CHRNA5: variants seen among roughly 807,000 people sequenced by gnomAD.
CHRNA5 encodes the protein neuronal acetylcholine receptor subunit alpha-5.
Under a neutral mutation model 41.2 loss-of-function variants are expected in CHRNA5, and 28 were observed. The observed-to-expected ratio is 0.68, with a 90% CI of 0.50 to 0.93. The LOEUF (loss-of-function observed/expected upper bound fraction) is 0.93. Among genes scored for constraint, CHRNA5 ranks in the 40% least tolerant of loss-of-function variants. The probability of loss-of-function intolerance (pLI) is 0.00; values close to 1 mark genes in which losing one functional copy is unlikely to be tolerated. For synonymous variants in CHRNA5, 188 were observed against 205.8 expected (o/e 0.91, Z 0.74); for missense variants, 481 against 581.9 (o/e 0.83, Z 1.78).
rs886174601 is a variant in CHRNA5 at position 78,588,921 on chromosome 15, GGGTACCA to G, written c.413+500_413+506del. 1.3e-5 allele frequency among the ~76,000 whole-genome samples: 2 copies of G among 150,478 alleles called. No individual in the cohort carries two copies. Among genetic ancestry groups the G allele is most frequent in the African/African-American group, 4.9e-5 (2 of 40,834 alleles). On this transcript the variant is annotated intron_variant, in intron 4 of 5. Transcript: ENST00000299565. The surrounding 1 kb of genome is among the most constrained non-coding windows in gnomAD (Gnocchi z 4.1). ...TTAACTTAGGGGAGAGGAAAATTCT[GGGTACCA>G]GTTTTATTTTTTTCTAAGACCACTC...
chr15:78,589,971 G>C, exon 5 of CHRNA5: 1 of 1,614,118 alleles, frequency 6.2e-7, no homozygotes, highest in Non-Finnish European at 8.5e-7. Context: ...TTGGACTTAT[G>C]ATGGATCACA....
chr15:78,582,399 G>A (rs150494292), intron 2 of CHRNA5, among the ~76,000 whole-genome samples: 2,400 of 151,638 alleles, frequency 0.016, 54 homozygotes, highest in African/African-American at 0.055. Context: ...CAGGAGAATC[G>A]TTTGAACCCT....
intron 2 of CHRNA5, among the ~76,000 whole-genome samples, chr15:78,585,022 C>T (rs776461820): frequency 1.2e-4 from 18 of 152,154 alleles, no homozygotes; most frequent in Non-Finnish European, 2.4e-4. Flanking sequence ...CAGATTCAAG[C>T]GGTTCTCCCA....
At chr15:78,571,360 C>T (rs11636592) in intron 1 of CHRNA5, among the ~76,000 whole-genome samples, 1 of 152,176 alleles carries the variant, frequency 6.6e-6, no homozygotes, top group Non-Finnish European at 1.5e-5. Flanking sequence ...TATTTTCTTC[C>T]AGTCCTTAGT....
chr15:78,577,941 A>AAAAG (rs1325854908), intron 1 of CHRNA5, among the ~76,000 whole-genome samples: 1 of 146,382 alleles, frequency 6.8e-6, no homozygotes, highest in African/African-American at 2.5e-5. Flanking sequence ...AAAAAAAAAA[A>AAAAG]GACATTTTAT....
chr15:78,585,505 C>T (rs2141416050), intron 2 of CHRNA5, among the ~76,000 whole-genome samples: 1 of 152,164 alleles, frequency 6.6e-6, no homozygotes, highest in East Asian at 1.9e-4. Flanking sequence ...CTGTGCATAG[C>T]ATTGTGTCCT....
At chr15:78,581,646 A>G (rs1596060683) in intron 2 of CHRNA5, among the ~76,000 whole-genome samples, 1 of 152,184 alleles carries the variant, frequency 6.6e-6, no homozygotes, top group Non-Finnish European at 1.5e-5. Context: ...CTGATTACAG[A>G]AGCAATGCGT....
intron 1 of CHRNA5, among the ~76,000 whole-genome samples, chr15:78,567,158 C>T (rs1392308780): frequency 6.6e-6 from 1 of 151,060 alleles, no homozygotes; most frequent in South Asian, 2.1e-4. Flanking sequence ...GAGGCTGAGG[C>T]AGGAGAATGA....
In CHRNA5 at chr15:78,583,150, C is replaced by T. The variant is rs8026141; in HGVS notation, c.258+2188C>T. 4.1e-3 allele frequency among the ~76,000 whole-genome samples: 630 copies of T among 152,210 alleles called. 2 individuals carry two copies. The highest frequency in any genetic ancestry group is 0.014 in the African/African-American group (581 of 41,512). Reference sequence around the variant, plus strand: ...CTTGTATCTGTCCCAGAACCTAGCACGGTATCTGGTACATAGTAAATGCTG... The same window carrying T: ...CTTGTATCTGTCCCAGAACCTAGCATGGTATCTGGTACATAGTAAATGCTG... On this transcript the variant is annotated intron_variant, in intron 2 of 5. Transcript: ENST00000299565.
At chr15:78,569,063 CA>C (rs2052775562) in intron 1 of CHRNA5, among the ~76,000 whole-genome samples, 1 of 152,164 alleles carries the variant, frequency 6.6e-6, no homozygotes, top group African/African-American at 2.4e-5. Flanking sequence ...ACTTTATACA[CA>C]ATTTAATTTG....
At chr15:78,565,815 C>T in exon 1 of CHRNA5, 2 of 1,221,034 alleles carry the variant, frequency 1.6e-6, no homozygotes, top group East Asian at 3.2e-5. Context: ...CGGCGGGCGG[C>T]GCGCAGAGAG....
chr15:78,574,299 G>A (rs988099506), intron 1 of CHRNA5, among the ~76,000 whole-genome samples: 11 of 149,824 alleles, frequency 7.3e-5, no homozygotes. Context: ...AGAATTGCTT[G>A]AACCTGGGAG....
chr15:78,594,963 T>C (rs560767564), exon 6 of CHRNA5: 1 of 152,316 alleles, frequency 6.6e-6, no homozygotes, highest in East Asian at 1.9e-4. Flanking sequence ...TGTGACCAGG[T>C]AGCAAACACT....
chr15:78,593,661 A>G (rs1029035252), exon 6 of CHRNA5: 2 of 154,182 alleles, frequency 1.3e-5, no homozygotes, highest in African/African-American at 4.8e-5. Context: ...ACTGAGTAAC[A>G]GCTAATCTTT....
chr15:78,580,891 C>T (rs183719313), exon 2 of CHRNA5: 8 of 1,613,558 alleles, frequency 5.0e-6, no homozygotes, highest in African/African-American at 1.3e-5. Flanking sequence ...AAGATGGGTT[C>T]GTCCTGTGGA....
intron 1 of CHRNA5, among the ~76,000 whole-genome samples, chr15:78,570,422 C>CTTTTTTTTTTTT (rs1567050748): frequency 3.0e-5 from 2 of 66,284 alleles, no homozygotes; most frequent in African/African-American, 9.3e-5. Flanking sequence ...CCAATCCCGG[C>CTTTTTTTTTTTT]TATTTTTTTT....
Position 78,588,091 on chromosome 15 carries a change from TA to T in CHRNA5, c.304-222del, listed in dbSNP as rs1351747534. 6.6e-6 allele frequency among the ~76,000 whole-genome samples: 1 copy of T among 152,162 alleles called. No homozygotes were observed. The highest frequency in any genetic ancestry group is 2.1e-4 in the South Asian group (1 of 4,826). ...TGCCGAGCAGAGCCATGAACACATC[TA>T]GCTCTGGTTCTCACCTGTGTCTCAC... is the stretch of plus-strand genomic sequence containing the variant. On this transcript the variant is annotated intron_variant, in intron 3 of 5. Coordinates refer to ENST00000299565, the Ensembl canonical transcript of CHRNA5. The surrounding 1 kb of genome is among the most constrained non-coding windows in gnomAD (Gnocchi z 4.1).
In CHRNA5 at chr15:78,580,978, CT is replaced by C. The variant is rs2052909222; in HGVS notation, c.258+18del. ...GGTGGATGTGGTAGGTGTGCATATC[CT>C]TCTATAGTCAATTTCCCACAGATTT... On this transcript the variant is annotated intron_variant, in intron 2 of 5. Transcript: ENST00000299565. 2 of 1,606,070 alleles carry C rather than the reference CT, an allele frequency of 1.2e-6. 1 individual carries two copies. The highest frequency in any genetic ancestry group is 2.7e-5 in the African/African-American group (2 of 74,216).
At chr15:78,593,552 G>A (rs2053046302) in exon 6 of CHRNA5, 1 of 198,892 alleles carries the variant, frequency 5.0e-6, no homozygotes, top group South Asian at 1.3e-4. Flanking sequence ...CCACAGTAAA[G>A]TTCATCCTTT....
Sources: gnomAD v4.1 joint callset for allele counts (sites outside exome capture counted in the v4.1 genomes callset) on GRCh38, gnomAD v4.1.1 for gene constraint, Gnocchi (gnomAD v3.1) non-coding constraint, MANE v1.5 for transcripts, NCBI Gene and HGNC (gene_info 2026-07-23, HGNC 2026-07-21) for gene names.